Variants in TCERG1L observed in about 807,000 individuals in gnomAD.
TCERG1L encodes transcription elongation regulator 1 like.
TCERG1L carries 37 observed loss-of-function variants against 56.3 expected under a neutral mutation model. That is an observed-to-expected ratio of 0.66 (90% CI 0.51 to 0.87). The LOEUF is 0.87. Among genes scored for constraint, TCERG1L ranks in the 40% least tolerant of loss-of-function variants. The pLI is 0.00. For missense variants in TCERG1L, 799 were observed against 774.2 expected (o/e 1.03, Z -0.38); for synonymous variants, 324 against 326.3 (o/e 0.99, Z 0.08).
At chr10:131,217,297 C>G (rs1006403766) in intron 4 of TCERG1L, among the ~76,000 whole-genome samples, 3 of 152,080 alleles carry the variant, frequency 2.0e-5, no homozygotes, top group African/African-American at 7.2e-5. Context: ...ATGTAGGACG[C>G]CTGCTCCACC....
rs1402605153 is a variant in TCERG1L at position 131,118,923 on chromosome 10, C to G, written c.1260-1989G>C. Among the ~76,000 whole-genome samples, 1 of 152,134 alleles carries G rather than the reference C, an allele frequency of 6.6e-6. No homozygotes were observed. Among genetic ancestry groups the G allele is most frequent in the Non-Finnish European group, 1.5e-5 (1 of 68,024 alleles). ...CACAACTGGGGAGATGTTACCAGCA[C>G]CTGGGAGTGGAGAGCCGGGATGCTG... On this transcript the variant is annotated intron_variant, in intron 8 of 11. Coordinates refer to ENST00000368642, the MANE Select transcript of TCERG1L (RefSeq NM_174937.4). This position sits in a 1 kb window ranked among gnomAD's most constrained non-coding sequence, Gnocchi z 4.2.
At chr10:131,230,465 C>T (rs1007542036) in intron 4 of TCERG1L, among the ~76,000 whole-genome samples, 1 of 152,190 alleles carries the variant, frequency 6.6e-6, no homozygotes, top group Admixed American at 6.5e-5. Context: ...GGCCAGTGCT[C>T]ACCGGCAGCA....
intron 3 of TCERG1L, among the ~76,000 whole-genome samples, chr10:131,264,673 C>G (rs900334696): frequency 2.6e-5 from 4 of 152,210 alleles, no homozygotes; most frequent in Non-Finnish European, 5.9e-5. Context: ...ATCTTGGGGA[C>G]ACCTTCATTC....
chr10:131,205,226 G>A (rs1266506994), intron 4 of TCERG1L, among the ~76,000 whole-genome samples: 1 of 152,102 alleles, frequency 6.6e-6, no homozygotes, highest in African/African-American at 2.4e-5. Context: ...CTCCTTTATG[G>A]AACGCCACAT....
At position 131,267,663 on chromosome 10, in the gene TCERG1L, G is replaced by T. The variant is rs1038119408; in HGVS notation, c.671-7219C>A. Among the ~76,000 whole-genome samples, 1 of 152,250 alleles carries T rather than the reference G, an allele frequency of 6.6e-6. No individual in the cohort carries two copies. Among genetic ancestry groups the T allele is most frequent in the Non-Finnish European group, 1.5e-5 (1 of 68,042 alleles). ...GGGCTCCCAGGACATGGCAGAGTGT[G>T]AGGTTGAAGCTGTGGCAGAGGCTCC... On this transcript the variant is annotated intron_variant, in intron 3 of 11. Coordinates refer to ENST00000368642, the MANE Select transcript of TCERG1L (RefSeq NM_174937.4). The surrounding 1 kb of genome is among the most constrained non-coding windows in gnomAD (Gnocchi z 4.9).
intron 4 of TCERG1L, among the ~76,000 whole-genome samples, chr10:131,227,659 G>A (rs544594532): frequency 8.5e-5 from 13 of 152,310 alleles, no homozygotes; most frequent in African/African-American, 2.9e-4. Flanking sequence ...CAGGTGAGCC[G>A]AGGGTTTTCC....
intron 3 of TCERG1L, among the ~76,000 whole-genome samples, chr10:131,272,607 T>C (rs1646086910): frequency 6.6e-6 from 1 of 152,150 alleles, no homozygotes; most frequent in South Asian, 2.1e-4. Context: ...GCTCAGGAAG[T>C]GTCTGTGTGG....
At chr10:131,221,440 C>T (rs1845730892) in intron 4 of TCERG1L, among the ~76,000 whole-genome samples, 1 of 152,222 alleles carries the variant, frequency 6.6e-6, no homozygotes, top group African/African-American at 2.4e-5. Flanking sequence ...AGGGTGACAG[C>T]ACCCTCTCCC....
At chr10:131,136,506 C>A (rs1845676790) in intron 7 of TCERG1L, among the ~76,000 whole-genome samples, 1 of 152,102 alleles carries the variant, frequency 6.6e-6, no homozygotes, top group East Asian at 2.0e-4. Context: ...CCAGGCCCGC[C>A]CTCAGAGGCT....
At chr10:131,106,428 C>T (rs1161264587) in intron 9 of TCERG1L, among the ~76,000 whole-genome samples, 2 of 152,142 alleles carry the variant, frequency 1.3e-5, no homozygotes, top group East Asian at 1.9e-4. Flanking sequence ...TCAGGGTTCA[C>T]AAAGGAGCCT....
chr10:131,311,287 A>T lies in TCERG1L; in HGVS notation c.342+7T>A. ...ACCCGGGCCGAGGCGGGACGGGGAC[A>T]CGTTACCTGCCCGTGGAGCGCGGGG... On this transcript the variant is annotated splice_region_variant and intron_variant, in intron 1 of 11. Coordinates refer to ENST00000368642, the MANE Select transcript of TCERG1L (RefSeq NM_174937.4). The surrounding 1 kb of genome is among the most constrained non-coding windows in gnomAD (Gnocchi z 4.0). The T allele has an allele frequency of 5.0e-6, 6 of 1,204,390 alleles. No individual in the cohort carries two copies. The highest frequency in any genetic ancestry group is 6.2e-6 in the Non-Finnish European group (6 of 970,428). The allele number at this position is 1,204,390 out of a possible 1,614,324, so 74.6% of individuals were successfully genotyped here. A position where few individuals can be genotyped will look rare whatever the true frequency, so the allele number is the denominator to read the frequency against.
intron 7 of TCERG1L, among the ~76,000 whole-genome samples, chr10:131,144,378 A>G (rs1413365862): frequency 6.6e-6 from 1 of 152,180 alleles, no homozygotes; most frequent in Non-Finnish European, 1.5e-5. Flanking sequence ...GGAGAATGCC[A>G]GTCACTGCTG....
intron 4 of TCERG1L, among the ~76,000 whole-genome samples, chr10:131,174,213 A>ACAGCACTGGGGGCTGC (rs1383125754): frequency 2.0e-5 from 3 of 152,178 alleles, no homozygotes; most frequent in African/African-American, 4.8e-5. Context: ...CCTCAGGAGG[A>ACAGCACTGGGGGCTGC]CAGCACTGGG....
rs184316016 is a variant in TCERG1L at position 131,267,345 on chromosome 10, G to C, written c.671-6901C>G. On this transcript the variant is annotated intron_variant, in intron 3 of 11. Coordinates refer to ENST00000368642, the MANE Select transcript of TCERG1L (RefSeq NM_174937.4). This position sits in a 1 kb window ranked among gnomAD's most constrained non-coding sequence, Gnocchi z 4.9. ...GGATCGGAGTAAGCACTGGAAGCAG[G>C]GAGAGGCCAGGCAGCAGGAGCAGAT... 8.9e-3 allele frequency among the ~76,000 whole-genome samples: 1,348 copies of C among 152,292 alleles called. 18 individuals are homozygous for C. The highest frequency in any genetic ancestry group is 0.031 in the African/African-American group (1,298 of 41,562).
At chr10:131,122,499 G>A (rs1180531795) in intron 8 of TCERG1L, among the ~76,000 whole-genome samples, 1 of 152,206 alleles carries the variant, frequency 6.6e-6, no homozygotes, top group East Asian at 1.9e-4. Context: ...TGAACAGTGA[G>A]GCTCAGGATT....
At chr10:131,304,279 G>A (rs1216835011) in intron 3 of TCERG1L, among the ~76,000 whole-genome samples, 2 of 151,976 alleles carry the variant, frequency 1.3e-5, no homozygotes, top group Non-Finnish European at 2.9e-5. Flanking sequence ...TGATATTCTT[G>A]ATATAAGTTC....
intron 3 of TCERG1L, among the ~76,000 whole-genome samples, chr10:131,273,000 C>T (rs1174911309): frequency 6.6e-6 from 1 of 152,162 alleles, no homozygotes; most frequent in Non-Finnish European, 1.5e-5. Flanking sequence ...GAGGGTCTGT[C>T]CATGGAGTGA....
intron 9 of TCERG1L, among the ~76,000 whole-genome samples, chr10:131,105,167 C>T (rs1247948417): frequency 2.6e-5 from 4 of 152,182 alleles, no homozygotes; most frequent in Non-Finnish European, 4.4e-5. Context: ...AGGTTTTCCT[C>T]GTAAATAGCC....
At chr10:131,159,840 C>G (rs968398751) in intron 6 of TCERG1L, among the ~76,000 whole-genome samples, 1 of 152,164 alleles carries the variant, frequency 6.6e-6, no homozygotes, top group African/African-American at 2.4e-5. Flanking sequence ...CACGCGGCCA[C>G]AGGAGAAGCT....
Sources: allele counts gnomAD v4.1 joint callset (sites outside exome capture counted in the v4.1 genomes callset), GRCh38; gene constraint gnomAD v4.1.1; non-coding constraint Gnocchi (gnomAD v3.1); transcripts MANE v1.5; gene names NCBI Gene and HGNC (gene_info 2026-07-23, HGNC 2026-07-21).